USP50: variants seen among roughly 807,000 people sequenced by gnomAD.
USP50 encodes the protein ubiquitin carboxyl-terminal hydrolase 50.
In USP50, 37 loss-of-function variants were observed where a neutral mutation model predicts 39.2. That is an observed-to-expected ratio of 0.94 (90% CI 0.73 to 1.24). USP50 has a LOEUF of 1.24. Ranked by LOEUF, USP50 falls within the 50% of genes most tolerant of loss-of-function variation. USP50 has a pLI of 0.00. For missense variants in USP50, 374 were observed against 398.2 expected, an observed-to-expected ratio of 0.94 and a Z score of 0.52; for synonymous variants, 139 against 144.5, an observed-to-expected ratio of 0.96 and a Z score of 0.27.
chr15:50,535,031 C>T (rs1365698036), intron 5 of USP50, among the ~76,000 whole-genome samples: 1 of 152,026 alleles, frequency 6.6e-6, no homozygotes, highest in Non-Finnish European at 1.5e-5. Flanking sequence ...ATCCCAGCTA[C>T]TGGAGGCTGA....
intron 6 of USP50, among the ~76,000 whole-genome samples, chr15:50,515,257 T>TTGTTG (rs1566904828): frequency 6.6e-6 from 1 of 151,704 alleles, no homozygotes; most frequent in Non-Finnish European, 1.5e-5. Context: ...TGTTGTTGTT[T>TTGTTG]TTGAGACGGA....
intron 5 of USP50, among the ~76,000 whole-genome samples, chr15:50,530,747 C>A (rs1297631988): frequency 1.3e-5 from 2 of 152,070 alleles, no homozygotes; most frequent in African/African-American, 4.8e-5. Flanking sequence ...TCAAGCTAAA[C>A]TGAATCTAGC....
chr15:50,504,682 G>T (rs952919768), intron 6 of USP50: 1 of 152,090 alleles, frequency 6.6e-6, no homozygotes, highest in African/African-American at 2.4e-5. Context: ...TTAGGACACA[G>T]AAAATGAATA....
chr15:50,510,408 A>G (rs533454435), intron 6 of USP50: 2 of 152,314 alleles, frequency 1.3e-5, no homozygotes, highest in African/African-American at 2.4e-5. Flanking sequence ...TTACAATAAG[A>G]TACAACAACC....
At chr15:50,504,046 C>A (rs1200604428) in intron 6 of USP50, 1 of 152,052 alleles carries the variant, frequency 6.6e-6, no homozygotes, top group Non-Finnish European at 1.5e-5. Context: ...TATTTACGGG[C>A]TCTGCATCTT....
In USP50 at chr15:50,541,275, G is replaced by C. The variant is rs760719800; in HGVS notation, c.445-11C>G. 2 of 1,604,756 alleles carry C rather than the reference G, an allele frequency of 1.2e-6. No homozygotes were observed. The highest frequency in any genetic ancestry group is 1.7e-6 in the Non-Finnish European group (2 of 1,173,270). On this transcript the variant is annotated splice_polypyrimidine_tract_variant and intron_variant, in intron 3 of 6. Transcript: ENST00000532404. ...CCGGGAGTAGTGGTACTGAATCAAG[G>C]AGCAAATTTCACCCAAATTAATTAT...
At chr15:50,539,722 G>A (rs1566911675) in intron 4 of USP50, among the ~76,000 whole-genome samples, 1 of 152,302 alleles carries the variant, frequency 6.6e-6, no homozygotes, top group African/African-American at 2.4e-5. Flanking sequence ...CTACTTTGCA[G>A]TTTTCAGCAG....
In USP50 at chr15:50,543,657, G is replaced by A. The variant is rs759136409; in HGVS notation, c.385C>T (p.Gln129Ter). 6.2e-7 allele frequency: 1 copy of A among 1,613,732 alleles called. No individual in the cohort carries two copies. The highest frequency in any genetic ancestry group is 2.2e-5 in the East Asian group (1 of 44,882). ...LYPAFTKKMQ[Q>*]DAQEFLICVL... ...CAAATCAAGAATTCCTGAGCATCTTGTTGCATCTTTTTCGTAAATGCTGGG... is the reference window on the plus strand; with the variant it reads ...CAAATCAAGAATTCCTGAGCATCTTATTGCATCTTTTTCGTAAATGCTGGG... The change falls in exon 3 of 7, where the codon CAA becomes TAA. Residue 129 changes from glutamine (Q) to a stop codon, truncating the protein, a stop_gained. Transcript: ENST00000532404. LOFTEE classifies it high-confidence loss of function.
intron 3 of USP50, among the ~76,000 whole-genome samples, chr15:50,542,481 ATT>A (rs11292495): frequency 0.018 from 1,751 of 97,282 alleles, 9 homozygotes; most frequent in African/African-American, 0.05. Context: ...TTTCCTTTTC[ATT>A]TTTTTTTTTT....
At chr15:50,503,700 C>G (rs1301075557) in intron 6 of USP50, 1 of 152,160 alleles carries the variant, frequency 6.6e-6, no homozygotes, top group Non-Finnish European at 1.5e-5. Context: ...TCTGCGAATC[C>G]TGTGAACTTA....
At chr15:50,542,646 G>A (rs1433998181) in intron 3 of USP50, among the ~76,000 whole-genome samples, 1 of 151,774 alleles carries the variant, frequency 6.6e-6, no homozygotes, top group African/African-American at 2.4e-5. Context: ...CTGCCACCAC[G>A]CCTGGCTGAT....
In USP50 at chr15:50,529,831, C is replaced by A. The variant is rs149724121; in HGVS notation, c.902G>T (p.Arg301Leu). The change falls in exon 6 of 7, where the codon CGG becomes CTG. Residue 301 changes from arginine to leucine, a missense_variant. By Grantham distance (102) the Arg-to-Leu change is moderately radical (BLOSUM62 -2). Coordinates refer to ENST00000532404, the MANE Select transcript of USP50 (RefSeq NM_203494.5). Reference sequence around the variant, plus strand: ...ACAGAGGTTGTATTTAGGATATTTCCGGAAAATTGAGCAAATATAAGGAGT... The same window carrying A: ...ACAGAGGTTGTATTTAGGATATTTCAGGAAAATTGAGCAAATATAAGGAGT... ...DLTPYICSIF[R>L]KYPKYNLCAV... 2 of 1,613,704 alleles carry A rather than the reference C, an allele frequency of 1.2e-6. No individual in the cohort carries two copies. The highest frequency in any genetic ancestry group is 2.7e-5 in the African/African-American group (2 of 74,974).
At chr15:50,546,403 C>A in intron 1 of USP50, 70 bp downstream of exon 1, 3 of 1,550,730 alleles carry the variant, frequency 1.9e-6, no homozygotes, top group South Asian at 1.1e-5. Context: ...GTGTGTGTCC[C>A]CTGACTCCTC....
intron 2 of USP50, among the ~76,000 whole-genome samples, chr15:50,544,343 C>A (rs2053054078): frequency 6.6e-6 from 1 of 151,160 alleles, no homozygotes; most frequent in South Asian, 2.1e-4. Context: ...GCCTGGGCAA[C>A]AGAACGAGAC....
At chr15:50,525,546 GTATATATGTGTA>G (rs1225504531) in intron 6 of USP50, among the ~76,000 whole-genome samples, 89 of 84,034 alleles carry the variant, frequency 1.1e-3, no homozygotes, top group African/African-American at 4.4e-3. Flanking sequence ...ATGTATATAT[GTATATATGTGTA>G]TATATGTATA....
chr15:50,502,968 GTTAT>G (rs1318619286), intron 6 of USP50: 1 of 152,320 alleles, frequency 6.6e-6, no homozygotes, highest in East Asian at 1.9e-4. Context: ...GTACACAGGA[GTTAT>G]TTATTCAATA....
chr15:50,497,245 T>G (rs369853605), downstream of USP50: 18 of 1,593,302 alleles, frequency 1.1e-5, no homozygotes, highest in Non-Finnish European at 1.4e-5. Flanking sequence ...AAGGGGAAAG[T>G]TTGTCCTCCT....
At chr15:50,544,870 A>G in intron 1 of USP50, 89 bp from the exon 2 acceptor site, 1 of 1,278,946 alleles carries the variant, frequency 7.8e-7, no homozygotes, top group Non-Finnish European at 1.1e-6. Context: ...TATGAAATAA[A>G]GAAGAGTTCT....
intron 6 of USP50, chr15:50,510,052 A>C (rs2052717258): frequency 6.6e-6 from 1 of 152,130 alleles, no homozygotes; most frequent in Non-Finnish European, 1.5e-5. Flanking sequence ...ATATTAATTT[A>C]ATAAATTTAA....
Sources: gnomAD v4.1 joint callset for allele counts (sites outside exome capture counted in the v4.1 genomes callset) on GRCh38, gnomAD v4.1.1 for gene constraint, MANE v1.5 for transcripts, NCBI Gene and HGNC (gene_info 2026-07-23, HGNC 2026-07-21) for gene names.